Variants in ACBD6 observed in about 807,000 individuals in gnomAD.
ACBD6 encodes acyl-CoA binding domain containing 6, also known as acyl-CoA-binding domain-containing protein 6.
Under a neutral mutation model 37.2 loss-of-function variants are expected in ACBD6, and 28 were observed. That is an observed-to-expected ratio of 0.75 (90% CI 0.56 to 1.03). The LOEUF (loss-of-function observed/expected upper bound fraction) is 1.03, where lower values mean the gene tolerates loss of function less well. Ranked by LOEUF, ACBD6 falls within the 50% of genes least tolerant of loss-of-function variation. ACBD6 has a pLI of 0.00. For synonymous variants in ACBD6, 113 were observed against 126.8 expected, an observed-to-expected ratio of 0.89 and a Z score of 0.73; for missense variants, 340 against 337.4, an observed-to-expected ratio of 1.01 and a Z score of -0.06.
At position 180,341,825 on chromosome 1, in the gene ACBD6, C is replaced by T. The variant is rs1411851872; in HGVS notation, c.664-27103G>A. ...CTCTGTGGTCATGGTATTGTTGGTA[C>T]ACTCTCTGAATTGGAATACCATCTA... On this transcript the variant is annotated intron_variant, in intron 6 of 7. Transcript: ENST00000367595. 3.3e-5 allele frequency among the ~76,000 whole-genome samples: 5 copies of T among 151,712 alleles called. No individual in the cohort carries two copies. In the East Asian group the frequency reaches 5.8e-4, roughly 18 times the overall value.
intron 6 of ACBD6, among the ~76,000 whole-genome samples, chr1:180,365,988 T>C (rs1001029130): frequency 3.3e-5 from 5 of 152,208 alleles, no homozygotes; most frequent in African/African-American, 1.2e-4. Context: ...TTGGTCTCAT[T>C]TGCAAGCATT....
At chr1:180,305,963 C>T (rs540377957) in intron 7 of ACBD6, among the ~76,000 whole-genome samples, 7 of 152,030 alleles carry the variant, frequency 4.6e-5, no homozygotes, top group Middle Eastern at 3.4e-3. Context: ...ATGGATGAAG[C>T]TGGAAACCAC....
intron 3 of ACBD6, among the ~76,000 whole-genome samples, chr1:180,480,756 G>T (rs1454339262): frequency 6.6e-6 from 1 of 152,104 alleles, no homozygotes; most frequent in East Asian, 1.9e-4. Context: ...TTCAGGCTGG[G>T]CACGGTGGCT....
intron 1 of ACBD6, among the ~76,000 whole-genome samples, chr1:180,497,875 T>G (rs1252418016): frequency 6.6e-6 from 1 of 152,178 alleles, no homozygotes; most frequent in Non-Finnish European, 1.5e-5. Flanking sequence ...TAGCAGCATT[T>G]TCAGATAATT....
intron 6 of ACBD6, among the ~76,000 whole-genome samples, chr1:180,389,664 T>C (rs904637552): frequency 1.1e-4 from 16 of 152,210 alleles, no homozygotes; most frequent in Non-Finnish European, 2.2e-4. Context: ...CTAGCACCTG[T>C]TGTTTCCTGA....
At chr1:180,328,878 G>C (rs1651363697) in intron 6 of ACBD6, among the ~76,000 whole-genome samples, 1 of 152,018 alleles carries the variant, frequency 6.6e-6, no homozygotes, top group Non-Finnish European at 1.5e-5. Context: ...TTCAGCTGCA[G>C]GTTCTAGGTA....
intron 6 of ACBD6, among the ~76,000 whole-genome samples, chr1:180,360,599 C>T (rs916625221): frequency 8.5e-5 from 13 of 152,060 alleles, no homozygotes; most frequent in Non-Finnish European, 8.8e-5. Flanking sequence ...ATCTAACATT[C>T]GAGAACCACT....
intron 6 of ACBD6, among the ~76,000 whole-genome samples, chr1:180,360,335 T>C (rs1652799599): frequency 6.6e-6 from 1 of 152,220 alleles, no homozygotes; most frequent in East Asian, 1.9e-4. Flanking sequence ...ATTAGGATGC[T>C]CTCAGATGTT....
intron 3 of ACBD6, among the ~76,000 whole-genome samples, chr1:180,483,132 A>G (rs146043220): frequency 5.3e-4 from 81 of 152,256 alleles, no homozygotes; most frequent in African/African-American, 1.8e-3. Flanking sequence ...TCTCATATAC[A>G]TTCAGTCCTT....
chr1:180,360,086 A>C (rs1652791373), intron 6 of ACBD6, among the ~76,000 whole-genome samples: 1 of 152,244 alleles, frequency 6.6e-6, no homozygotes, highest in South Asian at 2.1e-4. Flanking sequence ...TTAATAGGAT[A>C]TAAACAACAG....
At chr1:180,271,260 C>T (rs972299579) in exon 14 of ACBD6, 36 of 1,110,018 alleles carry the variant, frequency 3.2e-5, no homozygotes, top group East Asian at 2.1e-4. Context: ...CCCTGTGCCT[C>T]GCGCTGTCCT....
At chr1:180,353,613 G>A (rs2153753) in intron 6 of ACBD6, among the ~76,000 whole-genome samples, 147,279 of 151,816 alleles carry the variant, frequency 0.97, 71,469 homozygotes, top group African/African-American at 0.99. Context: ...AGCATTCCTC[G>A]GAGAAATATA....
chr1:180,462,814 C>A (rs1191837694), intron 3 of ACBD6, among the ~76,000 whole-genome samples: 1 of 152,062 alleles, frequency 6.6e-6, no homozygotes, highest in African/African-American at 2.4e-5. Context: ...ACTCTAAAAT[C>A]GGTCACATAA....
chr1:180,312,384 A>C (rs1051938952), intron 7 of ACBD6, among the ~76,000 whole-genome samples: 5 of 152,174 alleles, frequency 3.3e-5, no homozygotes, highest in Non-Finnish European at 7.4e-5. Flanking sequence ...AATAATGCTT[A>C]AGAATAAACT....
intron 3 of ACBD6, among the ~76,000 whole-genome samples, chr1:180,434,410 CTGTTCCCTTTCCAGGTCTTT>C (rs1648938132): frequency 6.6e-6 from 1 of 152,172 alleles, no homozygotes; most frequent in Non-Finnish European, 1.5e-5. Flanking sequence ...GTAAAGAATC[CTGTTCCCTTTCCAGGTCTTT>C]TTCTGATCCT....
rs74227306 is a variant in ACBD6 at position 180,312,430 on chromosome 1, T to A, written c.694+2262A>T. ...AATGCATTCAGCATCCCTGCTAAAT[T>A]GTATAGTTTTTATAATTTGTAGAGT... On this transcript the variant is annotated intron_variant, in intron 7 of 7. Transcript: ENST00000367595. 0.025 allele frequency among the ~76,000 whole-genome samples: 3,815 copies of A among 152,266 alleles called. 363 individuals carry two copies. In the East Asian group the frequency reaches 0.3, roughly 12 times the overall value.
chr1:180,413,494 C>CT (rs761002169), intron 4 of ACBD6, 23 bp from the exon 5 acceptor site: 24 of 1,499,514 alleles, frequency 1.6e-5, no homozygotes, highest in South Asian at 2.3e-5. Flanking sequence ...AAAGAAAGGT[C>CT]TTTTTTTACT....
chr1:180,306,927 C>T (rs1650404448), intron 7 of ACBD6, among the ~76,000 whole-genome samples: 1 of 152,172 alleles, frequency 6.6e-6, no homozygotes, highest in Admixed American at 6.5e-5. Flanking sequence ...TTAGTACAAT[C>T]ACTATGGAGA....
chr1:180,375,753 TAGA>T (rs1479320482), intron 6 of ACBD6, among the ~76,000 whole-genome samples: 1 of 152,164 alleles, frequency 6.6e-6, no homozygotes, highest in Non-Finnish European at 1.5e-5. Flanking sequence ...ATACGAGTAC[TAGA>T]AGAAAATATG....
Sources: allele counts gnomAD v4.1 joint callset (sites outside exome capture counted in the v4.1 genomes callset), GRCh38; gene constraint gnomAD v4.1.1; transcripts MANE v1.5; gene names NCBI Gene and HGNC (gene_info 2026-07-23, HGNC 2026-07-21).